The following ZDHHC13 variants were observed in gnomAD, a reference collection of about 807,000 sequenced individuals.
ZDHHC13 encodes the protein palmitoyltransferase ZDHHC13.
Under a neutral mutation model 86.0 loss-of-function variants are expected in ZDHHC13, and 85 were observed. That is an observed-to-expected ratio of 0.99 (90% CI 0.83 to 1.18). The LOEUF (loss-of-function observed/expected upper bound fraction) is 1.18, where lower values mean the gene tolerates loss of function less well. ZDHHC13 is among the 50% of genes most tolerant of loss of function. The pLI is 0.00. For missense variants in ZDHHC13, 711 were observed against 730.2 expected (o/e 0.97, Z 0.30); for synonymous variants, 263 against 246.4 (o/e 1.07, Z -0.63).
intron 14 of ZDHHC13, chr11:19,169,684 T>G: frequency 5.1e-6 from 5 of 985,526 alleles, no homozygotes; most frequent in Non-Finnish European, 4.8e-6. Flanking sequence ...CCCTTGTTTC[T>G]GCTGCTTCCT....
rs565927211 is a variant in ZDHHC13 at position 19,143,626 on chromosome 11, C to T, written c.173+503C>T. 7.9e-5 allele frequency among the ~76,000 whole-genome samples: 12 copies of T among 152,258 alleles called. No individual in the cohort carries two copies. In the South Asian group the frequency reaches 1.7e-3, roughly 21 times the overall value. ...TGTGCTGGACTAACTAGAAGAAATA[C>T]GGTAAGGTAAGGTGGAAATATGTTC... On this transcript the variant is annotated intron_variant, in intron 2 of 16. Coordinates refer to ENST00000446113, the MANE Select transcript of ZDHHC13 (RefSeq NM_019028.3).
intron 14 of ZDHHC13, chr11:19,168,905 C>T (rs1376888739): frequency 2.3e-5 from 23 of 984,570 alleles, no homozygotes; most frequent in Non-Finnish European, 2.7e-5. Context: ...TGTAGATTAC[C>T]ATCAGGAAGA....
intron 1 of ZDHHC13, among the ~76,000 whole-genome samples, chr11:19,123,937 A>G (rs1848812596): frequency 2.0e-5 from 3 of 152,288 alleles, no homozygotes; most frequent in East Asian, 1.9e-4. Context: ...AAGAACACGT[A>G]TATACTTTGC....
Position 19,155,853 on chromosome 11 carries a change from G to T in ZDHHC13, c.931G>T (p.Asp311Tyr). 1 of 1,612,926 alleles carries T rather than the reference G, an allele frequency of 6.2e-7. No individual in the cohort carries two copies. The highest frequency in any genetic ancestry group is 1.1e-5 in the South Asian group (1 of 90,818). The change falls in exon 9 of 17, where the codon GAC becomes TAC. Residue 311 changes from aspartate (D) to tyrosine (Y), a missense_variant. Transcript: ENST00000446113. Reference protein sequence around the residue: ...ITMWAIGYILDFNSDSWLLKG... With the variant: ...ITMWAIGYILYFNSDSWLLKG... ...CATGTGGGCTATTGGATACATATTG[G>T]ACTTCAATTCAGATTCTTGGCTTTT...
chr11:19,166,278 A>AT, intron 13 of ZDHHC13, 24 bp from the exon 14 acceptor site: 1 of 1,577,260 alleles, frequency 6.3e-7, no homozygotes, highest in South Asian at 1.2e-5. Context: ...AATATTAAGT[A>AT]TGTTTTTTTT....
Position 19,165,478 on chromosome 11 carries a change from G to C in ZDHHC13, c.1390+333G>C, listed in dbSNP as rs528608607. On this transcript the variant is annotated intron_variant, in intron 13 of 16. Transcript: ENST00000446113. ...AGGTCTCCTGATTCCAATGGGTGTT[G>C]TTCCTTCTGCCGGGTTTTGCTGCTC... is the stretch of plus-strand genomic sequence containing the variant. Among the ~76,000 whole-genome samples the C allele has an allele frequency of 3.0e-4, 45 of 152,312 alleles. 1 individual carries two copies. The South Asian group carries it at 7.2e-3, about 25-fold the overall frequency.
rs974086511 is a variant in ZDHHC13 at position 19,152,017 on chromosome 11, A to G, written c.585-141A>G. 4 of 784,052 alleles carry G rather than the reference A, an allele frequency of 5.1e-6. No individual in the cohort carries two copies. In the African/African-American group the frequency reaches 6.9e-5, roughly 14 times the overall value. The allele number at this position is 784,052 out of a possible 1,614,324, so 48.6% of individuals were successfully genotyped here. A position where few individuals can be genotyped will look rare whatever the true frequency, so the allele number is the denominator to read the frequency against. ...CCTATTAGTACCTAGAATAGAACTCAGTACAAAGAAGTTTCTCAGTTCTGA... is the reference window on the plus strand; with the variant it reads ...CCTATTAGTACCTAGAATAGAACTCGGTACAAAGAAGTTTCTCAGTTCTGA... On this transcript the variant is annotated intron_variant, in intron 6 of 16. Transcript: ENST00000446113.
At chr11:19,141,239 A>G (rs569273050) in intron 1 of ZDHHC13, among the ~76,000 whole-genome samples, 159 of 152,270 alleles carry the variant, frequency 1.0e-3, no homozygotes, top group Non-Finnish European at 1.7e-3. Context: ...ATTGGTTATT[A>G]TGTAAATGAG....
chr11:19,151,245 CTGTA>C (rs2133426770), intron 6 of ZDHHC13, among the ~76,000 whole-genome samples: 1 of 152,130 alleles, frequency 6.6e-6, no homozygotes, highest in African/African-American at 2.4e-5. Context: ...TGAAAAGAGT[CTGTA>C]TGTTCAGATC....
chr11:19,134,873 GAAAA>G (rs1394772655), intron 1 of ZDHHC13, among the ~76,000 whole-genome samples: 1 of 152,030 alleles, frequency 6.6e-6, no homozygotes, highest in Non-Finnish European at 1.5e-5. Flanking sequence ...AAATTAAAAA[GAAAA>G]AAATATTATC....
At chr11:19,150,893 T>A in intron 6 of ZDHHC13, 102 bp downstream of exon 6, 1 of 1,009,762 alleles carries the variant, frequency 9.9e-7, no homozygotes, top group Non-Finnish European at 1.5e-6. Flanking sequence ...TGATAGTACA[T>A]TGAAGAAAAT....
In ZDHHC13 at chr11:19,129,554, A is replaced by G. The variant is rs570672473; in HGVS notation, c.27+12278A>G. ...TATATTTTTTACTGTTTTATATTTGAATATATATTTTATTCTGTTAATATG... is the reference window on the plus strand; with the variant it reads ...TATATTTTTTACTGTTTTATATTTGGATATATATTTTATTCTGTTAATATG... On this transcript the variant is annotated intron_variant, in intron 1 of 16. Transcript: ENST00000446113. Among the ~76,000 whole-genome samples the G allele has an allele frequency of 6.6e-5, 10 of 152,158 alleles. No homozygotes were observed. In the South Asian group the frequency reaches 2.1e-3, roughly 32 times the overall value.
rs532792861 is a variant in ZDHHC13, at chr11:19,140,790, A to G, written c.28-2188A>G. Among the ~76,000 whole-genome samples, 18 of 152,182 alleles carry G rather than the reference A, an allele frequency of 1.2e-4. No individual in the cohort carries two copies. In the South Asian group the frequency reaches 3.7e-3, roughly 32 times the overall value. ...GGGGACATGGATGAAATCGGAAATC[A>G]TCATTCTCAGTAAACTATTGCAAGA... On this transcript the variant is annotated intron_variant, in intron 1 of 16. Coordinates refer to ENST00000446113, the MANE Select transcript of ZDHHC13 (RefSeq NM_019028.3).
Position 19,173,760 on chromosome 11 carries a change from T to C in ZDHHC13, c.1730+940T>C, listed in dbSNP as rs141072700. Among the ~76,000 whole-genome samples the C allele has an allele frequency of 1.6e-4, 24 of 152,238 alleles. No individual in the cohort carries two copies. The East Asian group carries it at 4.4e-3, about 28-fold the overall frequency. ...TGTAGCTAAACCAGAGGAATAAATGTTTACTCCACTAAACTATGGAAGCCT... is the reference window on the plus strand; with the variant it reads ...TGTAGCTAAACCAGAGGAATAAATGCTTACTCCACTAAACTATGGAAGCCT... On this transcript the variant is annotated intron_variant, in intron 16 of 16. Transcript: ENST00000446113.
rs760083727 is a variant in ZDHHC13, at chr11:19,146,290, C to T, written c.283C>T (p.Leu95=). The change falls in exon 3 of 17, where the codon CTG becomes TTG. Residue 95 remains leucine (L), a synonymous_variant. Transcript: ENST00000446113. ...TCATTGGGCTGCTATTAACAACAGA[C>T]TGGATCTTGTAAAGTAAGATGGGAT... ...LLHWAAINNR[L]DLVKFYISKG... 4 of 1,611,940 alleles carry T rather than the reference C, an allele frequency of 2.5e-6. No homozygotes were observed. In the Admixed American group the frequency reaches 6.7e-5, roughly 27 times the overall value.
chr11:19,155,581 C>CAAAAAA (rs370534138), intron 8 of ZDHHC13, among the ~76,000 whole-genome samples: 1 of 46,808 alleles, frequency 2.1e-5, no homozygotes, highest in Non-Finnish European at 5.3e-5. Flanking sequence ...AACTTCATCT[C>CAAAAAA]AAAAAAAAAA....
chr11:19,120,679 G>T (rs904582349), intron 1 of ZDHHC13, among the ~76,000 whole-genome samples: 3 of 152,064 alleles, frequency 2.0e-5, no homozygotes, highest in Non-Finnish European at 4.4e-5. Context: ...ATCTTGTTCT[G>T]CTTTTCACTC....
rs559010178 is a variant in ZDHHC13 at position 19,161,466 on chromosome 11, A to T, written c.1109-1837A>T. On this transcript the variant is annotated intron_variant, in intron 10 of 16. Coordinates refer to ENST00000446113, the MANE Select transcript of ZDHHC13 (RefSeq NM_019028.3). ...TTATTATTAATTATTCTTATGAATA[A>T]AATTGATGTGGAAGGCTGCATGTTT... Among the ~76,000 whole-genome samples the T allele has an allele frequency of 1.1e-3, 164 of 152,042 alleles. 2 individuals carry two copies. The highest frequency in any genetic ancestry group is 3.8e-3 in the African/African-American group (156 of 41,350).
chr11:19,147,977 T>C (rs1444891831), intron 4 of ZDHHC13, among the ~76,000 whole-genome samples: 2 of 152,172 alleles, frequency 1.3e-5, no homozygotes, highest in Non-Finnish European at 2.9e-5. Flanking sequence ...ACTCATTCAG[T>C]TCAGGCTTAT....
Sources: gnomAD v4.1 joint callset for allele counts (sites outside exome capture counted in the v4.1 genomes callset) on GRCh38, gnomAD v4.1.1 for gene constraint, MANE v1.5 for transcripts, NCBI Gene and HGNC (gene_info 2026-07-23, HGNC 2026-07-21) for gene names.